SLX4: variants seen among roughly 807,000 people sequenced by gnomAD.
The protein encoded by SLX4 is structure-specific endonuclease subunit SLX4.
In SLX4, 112 loss-of-function variants were observed where a neutral mutation model predicts 146.2. That is an observed-to-expected ratio of 0.77 (90% CI 0.66 to 0.90). The LOEUF (loss-of-function observed/expected upper bound fraction) is 0.90, where lower values mean the gene tolerates loss of function less well. Among genes scored for constraint, SLX4 ranks in the 40% least tolerant of loss-of-function variants. SLX4 has a pLI of 0.00. For missense variants in SLX4, 2,563 were observed against 2,392.7 expected, an observed-to-expected ratio of 1.07 and a Z score of -1.49; for synonymous variants, 1,061 against 997.7, an observed-to-expected ratio of 1.06 and a Z score of -1.20.
At position 3,606,603 on chromosome 16, in the gene SLX4, G is replaced by C. The variant is rs375296302; in HGVS notation, c.631C>G (p.Gln211Glu). 2 of 1,614,070 alleles carry C rather than the reference G, an allele frequency of 1.2e-6. No individual in the cohort carries two copies. Among genetic ancestry groups the C allele is most frequent in the East Asian group, 2.2e-5 (1 of 44,898 alleles). ...SKPRTAQLVL[Q>E]RMQQFKRADP... The stretch of plus-strand genomic sequence containing the variant: ...GCTCTCTTGAACTGCTGCATTCGCT[G>C]TAGGACCAATTGTGCTGTGCGGGGT... The change falls in exon 3 of 15, where the codon CAG becomes GAG. Residue 211 changes from glutamine to glutamate, a missense_variant. Transcript: ENST00000294008.
intron 5 of SLX4, among the ~76,000 whole-genome samples, chr16:3,600,446 C>A (rs887062896): frequency 1.3e-5 from 2 of 151,904 alleles, no homozygotes; most frequent in Non-Finnish European, 2.9e-5. Flanking sequence ...ATTTCTGCAC[C>A]CCCCTAAAGG....
intron 14 of SLX4, 88 bp downstream of exon 14, chr16:3,583,009 G>T: frequency 6.6e-7 from 1 of 1,511,004 alleles, no homozygotes; most frequent in Non-Finnish European, 9.2e-7. Context: ...TTTGAAGATT[G>T]GCCATTAGGT....
At chr16:3,582,799 G>A (rs574189549) in intron 14 of SLX4, 106 bp from the exon 15 acceptor site, 1 of 1,097,272 alleles carries the variant, frequency 9.1e-7, no homozygotes, top group Admixed American at 2.0e-5. Context: ...CATGGAGCCT[G>A]GCCTGTGGCA....
chr16:3,599,299 A>G (rs1471527658), intron 5 of SLX4, among the ~76,000 whole-genome samples: 1 of 152,190 alleles, frequency 6.6e-6, no homozygotes, highest in Non-Finnish European at 1.5e-5. Flanking sequence ...ACAAACAGCT[A>G]TCGCCTTTGG....
Position 3,596,210 on chromosome 16 carries a change from G to A in SLX4, c.1867C>T (p.Leu623=). 1.3e-6 allele frequency: 2 copies of A among 1,550,854 alleles called. No individual in the cohort carries two copies. The highest frequency in any genetic ancestry group is 8.7e-7 in the Non-Finnish European group (1 of 1,149,458). ...CTGCCGGGCCACGGGCTGGCGCTCA[G>A]TCCCTCCCTCGCCAGGTCCACGAGG... The part of the protein sequence containing the change: ...QDLVDLAREG[L]SASPWPGSGG... The change falls in exon 8 of 15, where the codon CTG becomes TTG. Residue 623 remains leucine, a synonymous_variant. Transcript: ENST00000294008.
chr16:3,595,609 G>A lies in SLX4; in HGVS notation c.2009C>T (p.Thr670Ile). The stretch of plus-strand genomic sequence containing the variant: ...CGGGCCAGAGCCAGTTCTTACCAAG[G>A]TGCGGCCGCCCCTGTCCGGGTGCTT... ...QDKHPDRGGR[T>I]LLSLGLLVAD... The change falls in exon 9 of 15, where the codon ACC becomes ATC. Residue 670 changes from threonine (T) to isoleucine (I), a missense_variant. Physicochemically the swap from Thr to Ile is moderately conservative, Grantham distance 89. Transcript: ENST00000294008. The A allele has an allele frequency of 6.2e-7, 1 of 1,613,740 alleles. No individual in the cohort carries two copies.
rs2151121342 is a variant in SLX4 at position 3,589,238 on chromosome 16, C to T, written c.4400G>A (p.Cys1467Tyr). ...GGTGTCCAGGAGTCCCGGGGAGCGA[C>T]AGTCACGGCTGTCGGCGGCCTCGTT... is the stretch of plus-strand genomic sequence containing the variant. ...RMNEAADSRD[C>Y]RSPGLLDTTP... The change falls in exon 12 of 15, where the codon TGT becomes TAT. Residue 1467 changes from cysteine to tyrosine, a missense_variant. Transcript: ENST00000294008. The surrounding 1 kb of genome is among the most constrained non-coding windows in gnomAD (Gnocchi z 6.2). 2 of 1,608,644 alleles carry T rather than the reference C, an allele frequency of 1.2e-6. No individual in the cohort carries two copies. Among genetic ancestry groups the T allele is most frequent in the Non-Finnish European group, 1.7e-6 (2 of 1,175,914 alleles).
intron 9 of SLX4, among the ~76,000 whole-genome samples, chr16:3,594,928 C>A (rs546797236): frequency 1.3e-5 from 2 of 152,278 alleles, no homozygotes; most frequent in South Asian, 4.1e-4. Context: ...TGCGGGATAC[C>A]TGGGCTTTGA....
intron 3 of SLX4, among the ~76,000 whole-genome samples, chr16:3,604,345 T>A (rs912480784): frequency 6.6e-6 from 1 of 151,896 alleles, no homozygotes; most frequent in Non-Finnish European, 1.5e-5. Flanking sequence ...GAATCCTTGT[T>A]CAGAAAAAAA....
rs35181087 is a variant in SLX4 at position 3,585,585 on chromosome 16, C to CAA, written c.4637-716_4637-715dup. 2.8e-3 allele frequency among the ~76,000 whole-genome samples: 255 copies of CAA among 89,980 alleles called. 2 individuals carry two copies. The highest frequency in any genetic ancestry group is 8.0e-3 in the African/African-American group (191 of 23,914). 59.0% of individuals were successfully genotyped at this position (89,980 alleles called of 152,430 possible). A position where few individuals can be genotyped will look rare whatever the true frequency, so the allele number is the denominator to read the frequency against. On this transcript the variant is annotated intron_variant, in intron 12 of 14. Coordinates refer to ENST00000294008, the MANE Select transcript of SLX4 (RefSeq NM_032444.4). ...TGGGCGACAGAGCAAGACTCTGTCT[C>CAA]AAAAAAAAAAAAAAAAAAGGGCAAA...
In SLX4 at chr16:3,597,086, G is replaced by A. The variant is rs2040669069; in HGVS notation, c.1683+293C>T. Among the ~76,000 whole-genome samples the A allele has an allele frequency of 6.6e-6, 1 of 152,148 alleles. No individual in the cohort carries two copies. The highest frequency in any genetic ancestry group is 2.4e-5 in the African/African-American group (1 of 41,436). ...TCCGCCCACCTCAGCCTCCCAAAGT[G>A]CAGGGATTACGGGCGTGAGCCACTG... On this transcript the variant is annotated intron_variant, in intron 7 of 14. Coordinates refer to ENST00000294008, the MANE Select transcript of SLX4 (RefSeq NM_032444.4). This position sits in a 1 kb window ranked among gnomAD's most constrained non-coding sequence, Gnocchi z 4.4.
intron 3 of SLX4, among the ~76,000 whole-genome samples, chr16:3,602,893 C>T (rs2040743215): frequency 6.6e-6 from 1 of 152,190 alleles, no homozygotes; most frequent in African/African-American, 2.4e-5. Flanking sequence ...AGATGGCTCC[C>T]AGGGTGGCCC....
rs766609103 is a variant in SLX4, at chr16:3,597,748, G to A, written c.1366+49C>T. ...AACGGTGGAGTCGGTCCACTCACCC[G>A]GGACCTGCTGATGGCCTCTCCCAGG... On this transcript the variant is annotated intron_variant, in intron 6 of 14. Coordinates refer to ENST00000294008, the MANE Select transcript of SLX4 (RefSeq NM_032444.4). This position sits in a 1 kb window ranked among gnomAD's most constrained non-coding sequence, Gnocchi z 4.4. The A allele has an allele frequency of 1.3e-4, 217 of 1,613,688 alleles. No individual in the cohort carries two copies. The highest frequency in any genetic ancestry group is 1.7e-4 in the Non-Finnish European group (198 of 1,179,828).
At chr16:3,586,453 C>T (rs555629687) in intron 12 of SLX4, among the ~76,000 whole-genome samples, 5 of 151,540 alleles carry the variant, frequency 3.3e-5, no homozygotes, top group South Asian at 2.1e-4. Flanking sequence ...CCTGGGAGGT[C>T]GAGGCTACAA....
In SLX4 at chr16:3,598,764, C is replaced by G. The variant is rs533264591; in HGVS notation, c.1164-765G>C. On this transcript the variant is annotated intron_variant, in intron 5 of 14. Coordinates refer to ENST00000294008, the MANE Select transcript of SLX4 (RefSeq NM_032444.4). The stretch of plus-strand genomic sequence containing the variant: ...CAGGGATGGCTCAAGTTCACCTTCC[C>G]AGGAACGTGGATAATCACAGCCTCC... 3.3e-5 allele frequency among the ~76,000 whole-genome samples: 5 copies of G among 152,344 alleles called. No homozygotes were observed. In the East Asian group the frequency reaches 9.7e-4, roughly 29 times the overall value.
At chr16:3,594,674 C>A in intron 9 of SLX4, 75 bp from the exon 10 acceptor site, 1 of 1,603,052 alleles carries the variant, frequency 6.2e-7, no homozygotes, top group Non-Finnish European at 8.5e-7. Flanking sequence ...AAGCTCCCCG[C>A]ATGGAGGTGG....
Position 3,590,975 on chromosome 16 carries a change from C to A in SLX4, c.2663G>T (p.Gly888Val). ...DWLEGGSPVS[G>V]QLLAGVQVQK... is the part of the protein sequence containing the mutation. Reference sequence around the variant, plus strand: ...CACCTGGACACCTGCTAGGAGTTGCCCAGAAACCGGACTGCCACCCTCCAG... The same window carrying A: ...CACCTGGACACCTGCTAGGAGTTGCACAGAAACCGGACTGCCACCCTCCAG... The change falls in exon 12 of 15, where the codon GGG becomes GTG. Residue 888 changes from glycine (G) to valine (V), a missense_variant. By Grantham distance (109) the Gly-to-Val change is moderately radical (BLOSUM62 -3). Coordinates refer to ENST00000294008, the MANE Select transcript of SLX4 (RefSeq NM_032444.4). The surrounding 1 kb of genome is among the most constrained non-coding windows in gnomAD (Gnocchi z 4.8). The A allele has an allele frequency of 6.2e-7, 1 of 1,614,196 alleles. No homozygotes were observed. The highest frequency in any genetic ancestry group is 8.5e-7 in the Non-Finnish European group (1 of 1,180,026).
chr16:3,598,584 T>C (rs187804110), intron 5 of SLX4, among the ~76,000 whole-genome samples: 17 of 152,302 alleles, frequency 1.1e-4, no homozygotes, highest in African/African-American at 4.1e-4. Flanking sequence ...AGTTTCCGGC[T>C]GGAGAGAACC....
chr16:3,607,682 C>G (rs1178556399), intron 2 of SLX4, among the ~76,000 whole-genome samples: 4 of 152,024 alleles, frequency 2.6e-5, no homozygotes, highest in African/African-American at 9.7e-5. Context: ...AAGATCCTGT[C>G]TCTAAAAACT....
Sources: gnomAD v4.1 joint callset for allele counts (sites outside exome capture counted in the v4.1 genomes callset) on GRCh38, gnomAD v4.1.1 for gene constraint, Gnocchi (gnomAD v3.1) non-coding constraint, MANE v1.5 for transcripts, NCBI Gene and HGNC (gene_info 2026-07-23, HGNC 2026-07-21) for gene names.